Variants in ARMC9 observed in about 807,000 individuals in gnomAD.
The protein encoded by ARMC9 is armadillo repeat containing 9.
A neutral mutation model predicts 107.0 loss-of-function variants in ARMC9; 94 were observed. The observed-to-expected ratio is 0.88, with a 90% CI of 0.74 to 1.04. The LOEUF (loss-of-function observed/expected upper bound fraction) is 1.04, where lower values mean the gene tolerates loss of function less well. ARMC9 is among the 50% of genes least tolerant of loss of function. The pLI is 0.00. For missense variants in ARMC9, 942 were observed against 1,030.1 expected (o/e 0.91, Z 1.17); for synonymous variants, 380 against 396.9 (o/e 0.96, Z 0.51).
chr2:231,244,804 G>T (rs572257914), intron 9 of ARMC9, among the ~76,000 whole-genome samples: 1 of 152,350 alleles, frequency 6.6e-6, no homozygotes, highest in South Asian at 2.1e-4. Flanking sequence ...CCATGAGGGC[G>T]GCATGGAGGA....
chr2:231,243,699 C>T (rs1158761968), intron 9 of ARMC9, among the ~76,000 whole-genome samples: 1 of 152,106 alleles, frequency 6.6e-6, no homozygotes, highest in African/African-American at 2.4e-5. Flanking sequence ...CTGTTTCTAG[C>T]CGATTTCTTT....
At position 231,371,849 on chromosome 2, in the gene ARMC9, G is replaced by A; in HGVS notation, c.*314G>A. 2 of 307,294 alleles carry A rather than the reference G, an allele frequency of 6.5e-6. No individual in the cohort carries two copies. Among genetic ancestry groups the A allele is most frequent in the Non-Finnish European group, 1.2e-5 (2 of 167,940 alleles). 19.0% of individuals were successfully genotyped at this position (307,294 alleles called of 1,614,324 possible). A position where few individuals can be genotyped will look rare whatever the true frequency, so the allele number is the denominator to read the frequency against. Reference sequence around the variant, plus strand: ...GGCTTTTGCCCGCAGGAGATCTTCTGGCCCCAGAAACAGCAGGTGCTGGAT... The same window carrying A: ...GGCTTTTGCCCGCAGGAGATCTTCTAGCCCCAGAAACAGCAGGTGCTGGAT... On this transcript the variant is annotated 3_prime_UTR_variant, in exon 25 of 25. Transcript: ENST00000611582.
chr2:231,237,161 T>G (rs1326127758), intron 8 of ARMC9, among the ~76,000 whole-genome samples: 1 of 144,406 alleles, frequency 6.9e-6, no homozygotes, highest in Non-Finnish European at 1.5e-5. Context: ...TTTTAGAACA[T>G]TTCTCTGCGT....
rs1464727480 is a variant in ARMC9 at position 231,208,118 on chromosome 2, T to C, written c.52-9T>C. On this transcript the variant is annotated splice_polypyrimidine_tract_variant and intron_variant, in intron 2 of 24. Transcript: ENST00000611582. ...TTTGCTGTTGAATTGAATTATTTAT[T>C]TTTTATAGTATTTAGATTTTGCTGA... 1 of 1,197,342 alleles carries C rather than the reference T, an allele frequency of 8.4e-7. No homozygotes were observed. The highest frequency in any genetic ancestry group is 1.2e-6 in the Non-Finnish European group (1 of 831,034). 74.2% of individuals were successfully genotyped at this position (1,197,342 alleles called of 1,614,324 possible).
chr2:231,261,449 C>T (rs2038333208), intron 11 of ARMC9, among the ~76,000 whole-genome samples: 1 of 152,246 alleles, frequency 6.6e-6, no homozygotes, highest in African/African-American at 2.4e-5. Flanking sequence ...AGCGCACATG[C>T]ACTGTATCAC....
chr2:231,256,437 G>C (rs1185358568), intron 9 of ARMC9, 149 bp from the exon 10 acceptor site: 1 of 1,117,168 alleles, frequency 9.0e-7, no homozygotes, highest in Non-Finnish European at 1.3e-6. Context: ...AAGCGTTTGT[G>C]TTTCAAGTTA....
At chr2:231,205,201 T>TA (rs769562866) in intron 1 of ARMC9, among the ~76,000 whole-genome samples, 1,368 of 129,446 alleles carry the variant, frequency 0.011, 7 homozygotes, top group African/African-American at 0.023. Context: ...TGTCTCTACT[T>TA]AAAAAAAAAA....
intron 17 of ARMC9, 53 bp downstream of exon 17, chr2:231,282,186 G>A: frequency 6.4e-7 from 1 of 1,569,218 alleles, no homozygotes; most frequent in Non-Finnish European, 8.8e-7. Context: ...CCACAGTTCA[G>A]AGCTTTTAGA....
intron 23 of ARMC9, among the ~76,000 whole-genome samples, chr2:231,361,451 T>A (rs796896505): frequency 0.017 from 981 of 58,662 alleles, no homozygotes; most frequent in Middle Eastern, 0.045. Context: ...AAAAAAAAAA[T>A]CAAAAAACTA....
intron 21 of ARMC9, among the ~76,000 whole-genome samples, chr2:231,346,577 CCTAT>C (rs546634653): frequency 4.6e-4 from 70 of 152,228 alleles, no homozygotes; most frequent in Admixed American, 1.5e-3. Context: ...ATTTGTGTGC[CCTAT>C]CTCTCTCTCT....
At chr2:231,203,946 G>C (rs1474987132) in intron 1 of ARMC9, among the ~76,000 whole-genome samples, 1 of 151,784 alleles carries the variant, frequency 6.6e-6, no homozygotes, top group Non-Finnish European at 1.5e-5. Context: ...AGCAACAACA[G>C]CGAGACTCTG....
chr2:231,222,662 C>G (rs2034262105), intron 5 of ARMC9, 66 bp from the exon 6 acceptor site: 1 of 921,008 alleles, frequency 1.1e-6, no homozygotes, highest in African/African-American at 1.7e-5. Flanking sequence ...CTAATGACCT[C>G]AACTTGATGA....
At chr2:231,227,987 T>C (rs1408371685) in intron 7 of ARMC9, among the ~76,000 whole-genome samples, 2 of 152,196 alleles carry the variant, frequency 1.3e-5, no homozygotes, top group Non-Finnish European at 2.9e-5. Context: ...AGGAGCACCC[T>C]GAGTCTTGGA....
At chr2:231,268,134 A>T (rs1458518102) in intron 12 of ARMC9, among the ~76,000 whole-genome samples, 1 of 152,220 alleles carries the variant, frequency 6.6e-6, no homozygotes, top group Non-Finnish European at 1.5e-5. Context: ...TTATTAAAAA[A>T]TTTAAGGAGG....
chr2:231,324,686 G>A (rs1022921120), intron 19 of ARMC9, among the ~76,000 whole-genome samples: 11 of 151,830 alleles, frequency 7.2e-5, no homozygotes, highest in African/African-American at 2.4e-4. Flanking sequence ...GGAGGTTGTG[G>A]TGAGTGGAGA....
At chr2:231,232,121 G>A (rs2035288632) in intron 7 of ARMC9, among the ~76,000 whole-genome samples, 1 of 149,898 alleles carries the variant, frequency 6.7e-6, no homozygotes, top group Non-Finnish European at 1.5e-5. Flanking sequence ...CACCTCCCTG[G>A]TTCAAGCGAT....
At chr2:231,228,908 A>C (rs1308166845) in intron 7 of ARMC9, among the ~76,000 whole-genome samples, 1 of 152,074 alleles carries the variant, frequency 6.6e-6, no homozygotes, top group African/African-American at 2.4e-5. Flanking sequence ...ATTTTTGAGC[A>C]TAGCTTTCTT....
chr2:231,357,342 G>A (rs990203333), intron 22 of ARMC9, among the ~76,000 whole-genome samples: 2 of 152,078 alleles, frequency 1.3e-5, no homozygotes, highest in Non-Finnish European at 2.9e-5. Context: ...CCCAAATCCC[G>A]CTGTCAGTGC....
rs922570447 is a variant in ARMC9 at position 231,296,337 on chromosome 2, T to C, written c.1773+84T>C. 1.2e-5 allele frequency: 14 copies of C among 1,207,056 alleles called. 1 individual carries two copies. In the South Asian group the frequency reaches 1.9e-4, roughly 16 times the overall value. 74.8% of individuals were successfully genotyped at this position (1,207,056 alleles called of 1,614,324 possible). On this transcript the variant is annotated intron_variant, in intron 19 of 24. Transcript: ENST00000611582. The stretch of plus-strand genomic sequence containing the variant: ...CTGCCTTGACAAGTTAGTCCAGAAA[T>C]GGAGATTTTTCATTCCTGCTACACT...
Sources: gnomAD v4.1 joint callset for allele counts (sites outside exome capture counted in the v4.1 genomes callset) on GRCh38, gnomAD v4.1.1 for gene constraint, MANE v1.5 for transcripts, NCBI Gene and HGNC (gene_info 2026-07-23, HGNC 2026-07-21) for gene names.